GALNT2: variants seen among roughly 807,000 people sequenced by gnomAD.
GALNT2 encodes the protein polypeptide N-acetylgalactosaminyltransferase 2, also known as UDP-GalNAc:polypeptide N-acetylgalactosaminyltransferase 2.
In GALNT2, 31 loss-of-function variants were observed where a neutral mutation model predicts 81.4. The ratio of observed to expected loss-of-function variants is 0.38; its 90% CI spans 0.29 to 0.51. The LOEUF is 0.51. Ranked by LOEUF, GALNT2 falls within the 20% of genes least tolerant of loss-of-function variation. The pLI is 0.87. For missense variants in GALNT2, 629 were observed against 765.7 expected (o/e 0.82, Z 2.11); for synonymous variants, 303 against 287.4 (o/e 1.05, Z -0.55).
chr1:230,090,929 G>A (rs1660052633), intron 1 of GALNT2, among the ~76,000 whole-genome samples: 1 of 152,122 alleles, frequency 6.6e-6, no homozygotes, highest in African/African-American at 2.4e-5. Flanking sequence ...AGTTATCAAT[G>A]GGGGATTGGG....
intron 14 of GALNT2, among the ~76,000 whole-genome samples, chr1:230,267,128 C>A (rs1666059029): frequency 6.6e-6 from 1 of 152,218 alleles, no homozygotes; most frequent in South Asian, 2.1e-4. Context: ...TGTGCTGCTT[C>A]TTTCTTCTTT....
intron 2 of GALNT2, among the ~76,000 whole-genome samples, chr1:230,185,296 G>A (rs1218897561): frequency 1.8e-5 from 2 of 114,044 alleles, no homozygotes; most frequent in Non-Finnish European, 3.9e-5. Flanking sequence ...GTGTGTGTGT[G>A]TGTGTGCGCG....
At chr1:230,108,468 A>G (rs1279456609) in intron 1 of GALNT2, among the ~76,000 whole-genome samples, 3 of 152,232 alleles carry the variant, frequency 2.0e-5, no homozygotes, top group Admixed American at 6.5e-5. Context: ...TTCAACTTAC[A>G]GTGGCTTTAC....
rs528503112 is a variant in GALNT2, at chr1:230,125,166, A to G, written c.127-53052A>G. Reference sequence around the variant, plus strand: ...CATTGTTGGCTGCCAAAGAGGGCCAAGTGTTTGAAAGTGAATACCAGATTA... The same window carrying G: ...CATTGTTGGCTGCCAAAGAGGGCCAGGTGTTTGAAAGTGAATACCAGATTA... On this transcript the variant is annotated intron_variant, in intron 1 of 15. Coordinates refer to ENST00000366672, the MANE Select transcript of GALNT2 (RefSeq NM_004481.5). Among the ~76,000 whole-genome samples the G allele has an allele frequency of 9.8e-5, 15 of 152,360 alleles. 1 individual carries two copies. The highest frequency in any genetic ancestry group is 3.4e-4 in the African/African-American group (14 of 41,580).
At chr1:230,083,167 G>A (rs1222920557) in intron 1 of GALNT2, among the ~76,000 whole-genome samples, 2 of 146,262 alleles carry the variant, frequency 1.4e-5, no homozygotes, top group East Asian at 4.2e-4. Context: ...GGATGACAGA[G>A]TGGGGAGCAG....
intron 14 of GALNT2, 46 bp downstream of exon 14, chr1:230,265,413 A>G (rs1666006340): frequency 1.2e-6 from 2 of 1,613,070 alleles, no homozygotes; most frequent in Non-Finnish European, 8.5e-7. Context: ...CAGAGAGAGC[A>G]GGAGTTGGGG....
chr1:230,244,881 C>T (rs1295799695), intron 7 of GALNT2, among the ~76,000 whole-genome samples: 1 of 149,318 alleles, frequency 6.7e-6, no homozygotes. Flanking sequence ...TGTTCCTTCA[C>T]CTGTTCCTCT....
intron 6 of GALNT2, among the ~76,000 whole-genome samples, chr1:230,238,004 T>C (rs1665084783): frequency 6.6e-6 from 1 of 152,234 alleles, no homozygotes; most frequent in Non-Finnish European, 1.5e-5. Flanking sequence ...TTCATTTCGG[T>C]TGAACCCGTG....
rs769084195 is a variant in GALNT2, at chr1:230,203,207, C to T, written c.291C>T (p.Asp97=). The T allele has an allele frequency of 1.2e-6, 2 of 1,614,160 alleles. No homozygotes were observed. Among genetic ancestry groups the T allele is most frequent in the South Asian group, 2.2e-5 (2 of 91,076 alleles). ...GGACGATGGTCCGCTCCGGGCAGGACCCTTACGCCCGCAACAAGTTCAACC... is the reference window on the plus strand; with the variant it reads ...GGACGATGGTCCGCTCCGGGCAGGATCCTTACGCCCGCAACAAGTTCAACC... ...VGGTMVRSGQ[D]PYARNKFNQV... is the part of the protein sequence containing the mutation. Residue 97 remains aspartate, a synonymous_variant, in exon 3 of 16, where the codon GAC becomes GAT. Transcript: ENST00000366672.
chr1:230,262,531 G>A, intron 11 of GALNT2, 42 bp from the exon 12 acceptor site: 3 of 1,550,168 alleles, frequency 1.9e-6, no homozygotes, highest in Non-Finnish European at 2.7e-6. Flanking sequence ...GATGCAGACA[G>A]AAAGAAAGGA....
intron 3 of GALNT2, among the ~76,000 whole-genome samples, chr1:230,230,245 T>C (rs1032327705): frequency 6.6e-6 from 1 of 152,138 alleles, no homozygotes; most frequent in Non-Finnish European, 1.5e-5. Context: ...GTTTTTTGCC[T>C]GCAGATGAAA....
chr1:230,067,931 C>T (rs1327320802), intron 1 of GALNT2, among the ~76,000 whole-genome samples: 1 of 152,180 alleles, frequency 6.6e-6, no homozygotes, highest in Non-Finnish European at 1.5e-5. Context: ...TTGCCCTTTA[C>T]CTTTGGGGGG....
chr1:230,169,467 T>C (rs1662719356), intron 1 of GALNT2, among the ~76,000 whole-genome samples: 1 of 152,142 alleles, frequency 6.6e-6, no homozygotes, highest in South Asian at 2.1e-4. Flanking sequence ...TGCCCAGAGG[T>C]TCTAGACTCA....
intron 1 of GALNT2, among the ~76,000 whole-genome samples, chr1:230,142,976 C>T (rs997311612): frequency 1.3e-5 from 2 of 152,158 alleles, no homozygotes; most frequent in Non-Finnish European, 2.9e-5. Context: ...CCTGTGGCTG[C>T]TCTTCAGAGC....
chr1:230,190,748 T>G (rs1558132137), intron 2 of GALNT2, among the ~76,000 whole-genome samples: 1 of 152,140 alleles, frequency 6.6e-6, no homozygotes, highest in Non-Finnish European at 1.5e-5. Context: ...CATCTCTGCT[T>G]GGGCGATATA....
intron 1 of GALNT2, among the ~76,000 whole-genome samples, chr1:230,134,699 T>C (rs1483247671): frequency 6.6e-6 from 1 of 152,224 alleles, no homozygotes. Context: ...AGTTGTACTC[T>C]TCGCCTGCTT....
chr1:230,116,188 A>G (rs1008488010), intron 1 of GALNT2, among the ~76,000 whole-genome samples: 3 of 152,208 alleles, frequency 2.0e-5, no homozygotes, highest in Non-Finnish European at 2.9e-5. Flanking sequence ...GCCCAGATCT[A>G]TAAGAGGAGT....
intron 1 of GALNT2, among the ~76,000 whole-genome samples, chr1:230,167,693 C>T (rs776952203): frequency 6.6e-6 from 1 of 152,138 alleles, no homozygotes; most frequent in Non-Finnish European, 1.5e-5. Flanking sequence ...GGAGGAGCGC[C>T]GTGGTGATGG....
chr1:230,177,441 TTATATACAGAAACC>T (rs374235148), intron 1 of GALNT2, among the ~76,000 whole-genome samples: 180 of 152,366 alleles, frequency 1.2e-3, no homozygotes, highest in African/African-American at 4.2e-3. Context: ...CTGATTTGGG[TTATATACAGAAACC>T]TTTCTTATTT....
Sources: allele counts gnomAD v4.1 joint callset (sites outside exome capture counted in the v4.1 genomes callset), GRCh38; gene constraint gnomAD v4.1.1; transcripts MANE v1.5; gene names NCBI Gene and HGNC (gene_info 2026-07-23, HGNC 2026-07-21).